SNTB1: variants seen among roughly 807,000 people sequenced by gnomAD.
SNTB1 encodes the protein syntrophin beta 1.
Under a neutral mutation model 48.9 loss-of-function variants are expected in SNTB1, and 36 were observed. That is an observed-to-expected ratio of 0.74 (90% CI 0.56 to 0.97). SNTB1 has a LOEUF of 0.97. SNTB1 is among the 50% of genes least tolerant of loss of function. The pLI, the probability that SNTB1 is intolerant of heterozygous loss-of-function variation, is 0.00. For missense variants in SNTB1, 786 were observed against 703.4 expected (o/e 1.12, Z -1.33); for synonymous variants, 299 against 294.6 (o/e 1.01, Z -0.15).
intron 1 of SNTB1, among the ~76,000 whole-genome samples, chr8:120,742,272 T>A (rs549904683): frequency 2.6e-5 from 4 of 152,184 alleles, no homozygotes; most frequent in Non-Finnish European, 4.4e-5. Flanking sequence ...TAAAAAAGAT[T>A]TTCTTGATTC....
chr8:120,741,953 C>A (rs1393444871), intron 1 of SNTB1, among the ~76,000 whole-genome samples: 6 of 152,014 alleles, frequency 3.9e-5, no homozygotes, highest in Non-Finnish European at 5.9e-5. Context: ...CCAAAGTATT[C>A]CAGGGTCAGT....
intron 3 of SNTB1, among the ~76,000 whole-genome samples, chr8:120,603,707 A>C (rs1816463403): frequency 6.6e-6 from 1 of 152,192 alleles, no homozygotes; most frequent in Admixed American, 6.5e-5. Flanking sequence ...TTTCAGGATG[A>C]GAAGGGGAAA....
intron 3 of SNTB1, among the ~76,000 whole-genome samples, chr8:120,611,652 T>G (rs549236976): frequency 6.6e-6 from 1 of 151,270 alleles, no homozygotes; most frequent in Non-Finnish European, 1.5e-5. Context: ...GAAACCCCAT[T>G]ACTACTAAAA....
chr8:120,706,451 A>G (rs1423404897), intron 1 of SNTB1, among the ~76,000 whole-genome samples: 1 of 152,162 alleles, frequency 6.6e-6, no homozygotes, highest in East Asian at 1.9e-4. Context: ...TACACACGAA[A>G]AGTAGTCTAA....
intron 2 of SNTB1, among the ~76,000 whole-genome samples, chr8:120,646,114 G>A (rs1399624907): frequency 7.6e-5 from 11 of 144,516 alleles, no homozygotes; most frequent in Non-Finnish European, 1.7e-4. Flanking sequence ...CTGCAAACAG[G>A]GACAATTTGA....
intron 4 of SNTB1, chr8:120,571,250 C>G: frequency 7.8e-7 from 1 of 1,278,064 alleles, no homozygotes; most frequent in Admixed American, 2.4e-5. Context: ...TTTCAAGATG[C>G]TTGGGTCCAA....
intron 3 of SNTB1, among the ~76,000 whole-genome samples, chr8:120,601,089 T>C (rs537524257): frequency 6.6e-6 from 1 of 152,290 alleles, no homozygotes; most frequent in East Asian, 1.9e-4. Flanking sequence ...CCTGGAGTTA[T>C]GTCAAGAGGT....
rs533329993 is a variant in SNTB1, at chr8:120,757,949, T to C, written c.571+53324A>G. 7.0e-4 allele frequency among the ~76,000 whole-genome samples: 107 copies of C among 152,170 alleles called. 3 individuals carry two copies. The South Asian group carries it at 7.9e-3, about 11-fold the overall frequency. On this transcript the variant is annotated intron_variant, in intron 1 of 6. Transcript: ENST00000517992. ...ATTAAAGGAGAAGAACAGAGAAAAC[T>C]GGAAAGAAAAGTAGTAACAGCAGTG...
At chr8:120,755,788 G>A (rs1344595675) in intron 1 of SNTB1, among the ~76,000 whole-genome samples, 1 of 152,110 alleles carries the variant, frequency 6.6e-6, no homozygotes, top group Non-Finnish European at 1.5e-5. Context: ...TCCAAGTTAT[G>A]TTCTAATAGC....
At chr8:120,809,970 T>C (rs1470186308) in intron 1 of SNTB1, among the ~76,000 whole-genome samples, 2 of 152,164 alleles carry the variant, frequency 1.3e-5, no homozygotes, top group Admixed American at 6.5e-5. Flanking sequence ...TACTTTAAAC[T>C]TTCTCAGTTT....
At chr8:120,681,387 C>CA in intron 2 of SNTB1, among the ~76,000 whole-genome samples, 1 of 152,126 alleles carries the variant, frequency 6.6e-6, no homozygotes, top group East Asian at 1.9e-4. Context: ...ACTGACTCTG[C>CA]AGAGTGGAGG....
intron 3 of SNTB1, among the ~76,000 whole-genome samples, chr8:120,584,207 C>T (rs184752713): frequency 1.1e-3 from 168 of 151,674 alleles, no homozygotes; most frequent in East Asian, 4.7e-3. Context: ...TTTGGGAGGC[C>T]GAGGCGGGCA....
intron 1 of SNTB1, among the ~76,000 whole-genome samples, chr8:120,715,636 G>T (rs893356036): frequency 6.6e-6 from 1 of 152,202 alleles, no homozygotes; most frequent in Non-Finnish European, 1.5e-5. Flanking sequence ...TTTCTGTGAC[G>T]ATTTCATGTG....
intron 2 of SNTB1, 139 bp from the exon 3 acceptor site, chr8:120,632,790 C>T (rs181735488): frequency 1.0e-5 from 7 of 691,678 alleles, no homozygotes; most frequent in South Asian, 3.7e-5. Flanking sequence ...TTAACAGTCC[C>T]GCCATCCATT....
intron 1 of SNTB1, among the ~76,000 whole-genome samples, chr8:120,733,349 T>G (rs1818884641): frequency 6.6e-6 from 1 of 152,238 alleles, no homozygotes. Flanking sequence ...CAATTGGTGG[T>G]CCACGCATAG....
intron 4 of SNTB1, among the ~76,000 whole-genome samples, chr8:120,568,931 T>C (rs966759904): frequency 2.0e-5 from 3 of 152,236 alleles, no homozygotes; most frequent in African/African-American, 7.2e-5. Context: ...GTCTGCTTTA[T>C]GGTTGCATCA....
chr8:120,769,842 T>C (rs1819588691), intron 1 of SNTB1: 1 of 152,256 alleles, frequency 6.6e-6, no homozygotes, highest in African/African-American at 2.4e-5. Context: ...GATGGTTTCC[T>C]ACACAATAGA....
intron 2 of SNTB1, among the ~76,000 whole-genome samples, chr8:120,671,432 A>G (rs945915711): frequency 7.2e-5 from 11 of 152,276 alleles, no homozygotes; most frequent in Non-Finnish European, 1.6e-4. Flanking sequence ...ATATACACAT[A>G]CAGAGAAGGC....
At position 120,732,521 on chromosome 8, in the gene SNTB1, G is replaced by T. The variant is rs143083044; in HGVS notation, c.572-38613C>A. On this transcript the variant is annotated intron_variant, in intron 1 of 6. Transcript: ENST00000517992. ...GTTAATCATTTCTATTTTGAACAAA[G>T]AAATATTCTATAAATAGGTAATAAA... Among the ~76,000 whole-genome samples, 1,338 of 152,300 alleles carry T rather than the reference G, an allele frequency of 8.8e-3. 15 individuals are homozygous for T. The highest frequency in any genetic ancestry group is 0.031 in the African/African-American group (1,297 of 41,560).
Sources: gnomAD v4.1 joint callset for allele counts (sites outside exome capture counted in the v4.1 genomes callset) on GRCh38, gnomAD v4.1.1 for gene constraint, MANE v1.5 for transcripts, NCBI Gene and HGNC (gene_info 2026-07-23, HGNC 2026-07-21) for gene names.